Variants in XYLB observed in about 807,000 individuals in gnomAD.
XYLB encodes xylulokinase.
A neutral mutation model predicts 78.7 loss-of-function variants in XYLB; 62 were observed. The ratio of observed to expected loss-of-function variants is 0.79; its 90% CI spans 0.64 to 0.97. The LOEUF is 0.97. Ranked by LOEUF, XYLB falls within the 50% of genes least tolerant of loss-of-function variation. The pLI is 0.00. For synonymous variants in XYLB, 245 were observed against 247.4 expected, an observed-to-expected ratio of 0.99 and a Z score of 0.09; for missense variants, 687 against 676.8, an observed-to-expected ratio of 1.02 and a Z score of -0.17.
the XYLB span, among the ~76,000 whole-genome samples, chr3:38,446,201 TGTGCTGATTGCCAGATTAGA>T: frequency 6.6e-6 from 1 of 152,182 alleles, no homozygotes; most frequent in Non-Finnish European, 1.5e-5. Flanking sequence ...CATTTTACAG[TGTGCTGATTGCCAGATTAGA>T]GTGCTGATTG....
chr3:38,359,574 A>T (rs1409298515), intron 2 of XYLB, among the ~76,000 whole-genome samples: 2 of 152,208 alleles, frequency 1.3e-5, no homozygotes, highest in Non-Finnish European at 2.9e-5. Context: ...TGAATAGTTC[A>T]TATTTTTTCT....
chr3:38,355,387 C>A (rs1274021907), intron 2 of XYLB, among the ~76,000 whole-genome samples: 1 of 152,190 alleles, frequency 6.6e-6, no homozygotes, highest in East Asian at 1.9e-4. Flanking sequence ...CCAATGATAG[C>A]AAGTAGAATT....
At chr3:38,379,584 T>C (rs2125612829) in intron 15 of XYLB, among the ~76,000 whole-genome samples, 1 of 152,294 alleles carries the variant, frequency 6.6e-6, no homozygotes, top group South Asian at 2.1e-4. Flanking sequence ...AGCCTGACCT[T>C]TTGGCCAGGA....
intron 18 of XYLB, among the ~76,000 whole-genome samples, chr3:38,406,847 G>A (rs1317872396): frequency 1.3e-5 from 2 of 152,194 alleles, no homozygotes; most frequent in South Asian, 2.1e-4. Context: ...AGAATAAAAA[G>A]AAACAAGCAA....
intron 15 of XYLB, 80 bp downstream of exon 15, chr3:38,379,422 C>T: frequency 7.2e-7 from 1 of 1,389,164 alleles, no homozygotes; most frequent in Non-Finnish European, 1.0e-6. Flanking sequence ...GCTAGTGGGG[C>T]AATATCTACT....
the XYLB span, chr3:38,451,662 G>A: frequency 0.42 from 64,681 of 152,466 alleles, 16,003 homozygotes; most frequent in Non-Finnish European, 0.57. Context: ...AACTGTCTAT[G>A]GGACTCTTTG....
At chr3:38,437,420 C>A in the XYLB span, among the ~76,000 whole-genome samples, 1 of 151,998 alleles carries the variant, frequency 6.6e-6, no homozygotes, top group East Asian at 1.9e-4. Context: ...AGCAATCAGG[C>A]AAGAGAAAGA....
chr3:38,428,139 T>C, the XYLB span, among the ~76,000 whole-genome samples: 1 of 152,278 alleles, frequency 6.6e-6, no homozygotes, highest in Non-Finnish European at 1.5e-5. Flanking sequence ...AACTTTTTGC[T>C]AGAATTTGGT....
chr3:38,440,904 G>A, the XYLB span, among the ~76,000 whole-genome samples: 1 of 148,772 alleles, frequency 6.7e-6, no homozygotes, highest in Non-Finnish European at 1.5e-5. Context: ...TTGTCTCTCT[G>A]TCTCTTCCCC....
chr3:38,374,359 G>T, intron 10 of XYLB, 103 bp from the exon 11 acceptor site: 1 of 1,532,220 alleles, frequency 6.5e-7, no homozygotes, highest in East Asian at 2.3e-5. Context: ...GTGTGGGTGG[G>T]GGTTGGAGGT....
intron 12 of XYLB, among the ~76,000 whole-genome samples, chr3:38,375,667 A>G (rs1335691496): frequency 6.6e-6 from 1 of 152,074 alleles, no homozygotes; most frequent in Non-Finnish European, 1.5e-5. Flanking sequence ...CTGCCTCCCG[A>G]CGGCTCTCAT....
chr3:38,385,444 T>C lies in XYLB; in HGVS notation c.1291+6102T>C, dbSNP rs1347695250. 2.6e-5 allele frequency among the ~76,000 whole-genome samples: 4 copies of C among 152,340 alleles called. No homozygotes were observed. In the East Asian group the frequency reaches 7.7e-4, roughly 29 times the overall value. On this transcript the variant is annotated intron_variant, in intron 15 of 18. Coordinates refer to ENST00000207870, the MANE Select transcript of XYLB (RefSeq NM_005108.4). ...TTTTATTAATTTCTAATTTTATCTT[T>C]TTAAATGCTTTCCTTCTACTTTATG... is the stretch of plus-strand genomic sequence containing the variant.
At chr3:38,419,604 A>ATATATAT (rs1559628830), downstream of XYLB, among the ~76,000 whole-genome samples, 18 of 107,208 alleles carry the variant, frequency 1.7e-4, no homozygotes, top group South Asian at 3.1e-4. Flanking sequence ...ATATATATAT[A>ATATATAT]ATAGCCATCG....
intron 15 of XYLB, among the ~76,000 whole-genome samples, chr3:38,380,209 C>G (rs1707080522): frequency 6.6e-6 from 1 of 152,192 alleles, no homozygotes; most frequent in South Asian, 2.1e-4. Context: ...GATAAAGCTT[C>G]AACATGAGTT....
intron 2 of XYLB, among the ~76,000 whole-genome samples, chr3:38,355,080 C>G (rs761791136): frequency 2.7e-4 from 41 of 152,204 alleles, no homozygotes; most frequent in Non-Finnish European, 5.4e-4. Context: ...AGTCGTTTCC[C>G]TACCTGTTGA....
At chr3:38,435,107 G>C in the XYLB span, among the ~76,000 whole-genome samples, 2 of 152,298 alleles carry the variant, frequency 1.3e-5, no homozygotes, top group East Asian at 3.9e-4. Flanking sequence ...CTTCACTCCA[G>C]CCTGGGTGAC....
downstream of XYLB, among the ~76,000 whole-genome samples, chr3:38,417,956 C>G (rs1288791336): frequency 6.7e-6 from 1 of 149,998 alleles, no homozygotes; most frequent in African/African-American, 2.5e-5. Flanking sequence ...CTTTAGGAAA[C>G]CGAGGTGGGT....
At chr3:38,449,868 C>A in the XYLB span, among the ~76,000 whole-genome samples, 1 of 152,186 alleles carries the variant, frequency 6.6e-6, no homozygotes, top group Non-Finnish European at 1.5e-5. Context: ...AATCTAATCT[C>A]TCTTGAGAGA....
chr3:38,367,774 G>A (rs1490861728), intron 7 of XYLB, among the ~76,000 whole-genome samples: 3 of 152,194 alleles, frequency 2.0e-5, no homozygotes, highest in African/African-American at 7.2e-5. Context: ...CCCTGAGAGT[G>A]TCCTGGTTGG....
Sources: gnomAD v4.1 joint callset for allele counts (sites outside exome capture counted in the v4.1 genomes callset) on GRCh38, gnomAD v4.1.1 for gene constraint, MANE v1.5 for transcripts, NCBI Gene and HGNC (gene_info 2026-07-23, HGNC 2026-07-21) for gene names.